DAB1: variants seen among roughly 807,000 people sequenced by gnomAD.
The protein encoded by DAB1 is DAB adaptor protein 1, also known as disabled homolog 1.
In DAB1, 15 loss-of-function variants were observed where a neutral mutation model predicts 64.6. That is an observed-to-expected ratio of 0.23 (90% confidence interval 0.16 to 0.36). DAB1 has a LOEUF of 0.36. Ranked by LOEUF, DAB1 falls within the 10% of genes least tolerant of loss-of-function variation. The pLI is 1.00. For synonymous variants in DAB1, 235 were observed against 251.9 expected (o/e 0.93, Z 0.64); for missense variants, 596 against 706.7 (o/e 0.84, Z 1.78).
chr1:58,098,568 C>T (rs1651127338), intron 5 of DAB1, among the ~76,000 whole-genome samples: 1 of 152,154 alleles, frequency 6.6e-6, no homozygotes, highest in African/African-American at 2.4e-5. Flanking sequence ...AAATTGTGTT[C>T]CCAAAATTCA....
In DAB1 at chr1:57,191,915, GT is replaced by G. The variant is rs1664155910; in HGVS notation, c.68-46487del. ...TGAGAAAGATAAGAATAGGATGGAT[GT>G]GAAATTGAACAGAGGGCCATACCGT... is the stretch of plus-strand genomic sequence containing the variant. On this transcript the variant is annotated intron_variant, in intron 2 of 14. Coordinates refer to ENST00000371236, the MANE Select transcript of DAB1 (RefSeq NM_001365792.1). 2.6e-5 allele frequency among the ~76,000 whole-genome samples: 4 copies of G among 152,248 alleles called. No homozygotes were observed. The South Asian group carries it at 8.3e-4, about 32-fold the overall frequency.
At chr1:58,491,720 C>A (rs999465080) in intron 3 of DAB1, among the ~76,000 whole-genome samples, 66 of 152,128 alleles carry the variant, frequency 4.3e-4, no homozygotes, top group Non-Finnish European at 8.2e-4. Flanking sequence ...GCTAACTATC[C>A]TAAATATATA....
chr1:57,166,312 T>C (rs1313518072), intron 2 of DAB1, among the ~76,000 whole-genome samples: 1 of 152,136 alleles, frequency 6.6e-6, no homozygotes, highest in African/African-American at 2.4e-5. Context: ...TTTTCCCTAC[T>C]AGACCATGTC....
At chr1:58,269,428 G>T (rs1661259111) in intron 4 of DAB1, among the ~76,000 whole-genome samples, 1 of 149,884 alleles carries the variant, frequency 6.7e-6, no homozygotes, top group Admixed American at 6.7e-5. Context: ...TGGACATTTG[G>T]GTTGGTTCCA....
intron 2 of DAB1, among the ~76,000 whole-genome samples, chr1:57,157,504 C>T (rs1660338857): frequency 6.6e-6 from 1 of 152,078 alleles, no homozygotes. Flanking sequence ...GGCCCCCTTC[C>T]TGGCTTGCAG....
chr1:57,030,643 G>C (rs1227215996), intron 9 of DAB1, among the ~76,000 whole-genome samples: 1 of 152,182 alleles, frequency 6.6e-6, no homozygotes, highest in Non-Finnish European at 1.5e-5. Flanking sequence ...TGGCTATCTT[G>C]TTTCTCTTTC....
Position 57,470,083 on chromosome 1 carries a change from A to T in DAB1, n.626-178917T>A, listed in dbSNP as rs562594318. The stretch of plus-strand genomic sequence containing the variant: ...TGAAAGAACACTGGACTTGGACTCA[A>T]GATTTGCTATTTCTTATCTTGAATC... On this transcript the variant is annotated intron_variant and non_coding_transcript_variant, in intron 7 of 20. Transcript: ENST00000485760. Among the ~76,000 whole-genome samples, 16 of 152,304 alleles carry T rather than the reference A, an allele frequency of 1.1e-4. No individual in the cohort carries two copies. In the South Asian group the frequency reaches 2.7e-3, roughly 26 times the overall value.
At chr1:57,031,000 C>G (rs191294332) in intron 9 of DAB1, among the ~76,000 whole-genome samples, 136 of 152,290 alleles carry the variant, frequency 8.9e-4, no homozygotes, top group African/African-American at 3.2e-3. Flanking sequence ...TCATGGCATA[C>G]TTTTACTAAC....
chr1:58,100,990 A>G (rs1651279587), intron 5 of DAB1, among the ~76,000 whole-genome samples: 1 of 152,196 alleles, frequency 6.6e-6, no homozygotes, highest in South Asian at 2.1e-4. Context: ...TTGCAGCCTA[A>G]TGCAGACCCA....
chr1:57,300,726 C>T (rs1175950649), intron 1 of DAB1, among the ~76,000 whole-genome samples: 1 of 152,150 alleles, frequency 6.6e-6, no homozygotes, highest in Non-Finnish European at 1.5e-5. Flanking sequence ...AGAAAATCCA[C>T]TGGGGTGGGG....
chr1:57,908,972 T>A (rs1557549832), intron 5 of DAB1, among the ~76,000 whole-genome samples: 1 of 151,414 alleles, frequency 6.6e-6, no homozygotes, highest in East Asian at 1.9e-4. Context: ...TATTTTCCTT[T>A]AAAAAAAAAT....
chr1:57,439,418 G>GTTTTTTTTTTTTTTTTTTTTTTTTT lies in DAB1; in HGVS notation n.626-148253_626-148252insAAAAAAAAAAAAAAAAAAAAAAAAA. ...GCCATGCCATCAACTTGGTGATGAG[G>GTTTTTTTTTTTTTTTTTTTTTTTTT]TTTTTTCTTTTTTTTTTTTTTTTTT... On this transcript the variant is annotated intron_variant and non_coding_transcript_variant, in intron 7 of 20. Coordinates refer to the DAB1 transcript ENST00000485760. Among the ~76,000 whole-genome samples the GTTTTTTTTTTTTTTTTTTTTTTTTT allele has an allele frequency of 9.9e-4, 115 of 116,096 alleles. 9 individuals are homozygous for GTTTTTTTTTTTTTTTTTTTTTTTTT. Among genetic ancestry groups the GTTTTTTTTTTTTTTTTTTTTTTTTT allele is most frequent in the African/African-American group, 2.5e-3 (70 of 28,288 alleles). 76.2% of individuals were successfully genotyped at this position (116,096 alleles called of 152,430 possible). A position where few individuals can be genotyped will look rare whatever the true frequency, so the allele number is the denominator to read the frequency against.
intron 7 of DAB1, among the ~76,000 whole-genome samples, chr1:57,579,840 C>T (rs915258588): frequency 3.3e-5 from 5 of 152,158 alleles, no homozygotes; most frequent in East Asian, 3.9e-4. Flanking sequence ...TAAAACCAGG[C>T]GCAGGTCAAA....
At chr1:57,330,743 A>G (rs1275406778) in intron 1 of DAB1, among the ~76,000 whole-genome samples, 1 of 152,108 alleles carries the variant, frequency 6.6e-6, no homozygotes, top group Non-Finnish European at 1.5e-5. Flanking sequence ...GCACTCAGGA[A>G]ATCTTGCTCA....
rs150670011 is a variant in DAB1 at position 57,125,286 on chromosome 1, G to A, written c.306+11257C>T. Among the ~76,000 whole-genome samples, 9 of 152,268 alleles carry A rather than the reference G, an allele frequency of 5.9e-5. No individual in the cohort carries two copies. In the East Asian group the frequency reaches 1.4e-3, roughly 23 times the overall value. The stretch of plus-strand genomic sequence containing the variant: ...TGGGGAGGGCTCCCTCCTCTGGCAG[G>A]GCACAGGATAAATGAAAGAGGTGAG... On this transcript the variant is annotated intron_variant, in intron 4 of 14. Transcript: ENST00000371236.
At chr1:57,964,186 G>A (rs779009769) in intron 5 of DAB1, among the ~76,000 whole-genome samples, 11 of 152,108 alleles carry the variant, frequency 7.2e-5, no homozygotes, top group African/African-American at 9.7e-5. Flanking sequence ...CTCTTGCCCC[G>A]CAGGGTCTGT....
At chr1:57,922,627 T>C (rs941803867) in intron 5 of DAB1, among the ~76,000 whole-genome samples, 1 of 151,742 alleles carries the variant, frequency 6.6e-6, no homozygotes, top group Non-Finnish European at 1.5e-5. Flanking sequence ...AAGAATATGA[T>C]TTTGAGAAGC....
At chr1:58,402,062 GAGAA>G (rs1407756887) in intron 3 of DAB1, among the ~76,000 whole-genome samples, 1 of 152,208 alleles carries the variant, frequency 6.6e-6, no homozygotes, top group African/African-American at 2.4e-5. Context: ...TCCATGCACT[GAGAA>G]AGAGTGGAGA....
At chr1:57,475,029 G>T (rs1408870782) in intron 7 of DAB1, among the ~76,000 whole-genome samples, 1 of 152,168 alleles carries the variant, frequency 6.6e-6, no homozygotes, top group African/African-American at 2.4e-5. Context: ...GGAAGCCAAG[G>T]TGAGTAGATC....
Sources: allele counts gnomAD v4.1 joint callset (sites outside exome capture counted in the v4.1 genomes callset), GRCh38; gene constraint gnomAD v4.1.1; transcripts MANE v1.5; gene names NCBI Gene and HGNC (gene_info 2026-07-23, HGNC 2026-07-21).